The following ABCC1 variants were observed in gnomAD, a reference collection of about 807,000 sequenced individuals.
ABCC1 encodes the protein multidrug resistance-associated protein 1.
A neutral mutation model predicts 172.9 loss-of-function variants in ABCC1; 83 were observed. That is an observed-to-expected ratio of 0.48 (90% CI 0.40 to 0.58). The LOEUF (loss-of-function observed/expected upper bound fraction) is 0.58. Among genes scored for constraint, ABCC1 ranks in the 20% least tolerant of loss-of-function variants. The pLI, the probability that ABCC1 is intolerant of heterozygous loss-of-function variation, is 0.00. For missense variants in ABCC1, 1,817 were observed against 2,002.7 expected (o/e 0.91, Z 1.77); for synonymous variants, 937 against 825.2 (o/e 1.14, Z -2.32).
chr16:16,026,759 A>C (rs901264984), intron 5 of ABCC1, among the ~76,000 whole-genome samples: 1 of 151,956 alleles, frequency 6.6e-6, no homozygotes, highest in Admixed American at 6.6e-5. Context: ...CTATCAAAAA[A>C]TCCAAAAATT....
At chr16:16,073,542 T>G (rs550915775) in intron 14 of ABCC1, among the ~76,000 whole-genome samples, 1 of 152,300 alleles carries the variant, frequency 6.6e-6, no homozygotes, top group East Asian at 1.9e-4. Flanking sequence ...GCTGGAGGAT[T>G]GCTTGAGGCC....
chr16:16,121,912 C>T, intron 23 of ABCC1, 63 bp from the exon 24 acceptor site: 1 of 1,575,172 alleles, frequency 6.3e-7, no homozygotes, highest in South Asian at 1.1e-5. Context: ...CAGCACAGCC[C>T]TGCCCTGGGA....
At position 16,086,002 on chromosome 16, in the gene ABCC1, C is replaced by T. The variant is rs560516650; in HGVS notation, c.2293-822C>T. Among the ~76,000 whole-genome samples, 16 of 152,256 alleles carry T rather than the reference C, an allele frequency of 1.1e-4. No individual in the cohort carries two copies. In the East Asian group the frequency reaches 1.2e-3, roughly 11 times the overall value. ...GGGCTGGATTTCAGCATCCCCAGGC[C>T]GGAGCCTTGCTTCACCTATATGTGG... On this transcript the variant is annotated intron_variant, in intron 17 of 30. Coordinates refer to ENST00000399410, the MANE Select transcript of ABCC1 (RefSeq NM_004996.4).
intron 7 of ABCC1, among the ~76,000 whole-genome samples, chr16:16,041,084 C>T (rs1030488219): frequency 6.6e-6 from 1 of 151,096 alleles, no homozygotes; most frequent in Non-Finnish European, 1.5e-5. Flanking sequence ...CGTGCCACCA[C>T]ACCTGGCTAA....
intron 1 of ABCC1, among the ~76,000 whole-genome samples, chr16:15,972,787 CTTTTT>C (rs35086205): frequency 2.2e-5 from 2 of 89,336 alleles, no homozygotes; most frequent in Non-Finnish European, 4.1e-5. Flanking sequence ...TATTTTTTAA[CTTTTT>C]TTTTTTTTTT....
Position 16,117,206 on chromosome 16 carries a change from G to A in ABCC1, c.3390+2130G>A, listed in dbSNP as rs530148532. ...AGAGGTTTAATTGACTCACAGTTCCGCATGGCTGAGGAGGCCATGGCAGAA... is the reference window on the plus strand; with the variant it reads ...AGAGGTTTAATTGACTCACAGTTCCACATGGCTGAGGAGGCCATGGCAGAA... On this transcript the variant is annotated intron_variant, in intron 23 of 30. Coordinates refer to ENST00000399410, the MANE Select transcript of ABCC1 (RefSeq NM_004996.4). 3.9e-5 allele frequency among the ~76,000 whole-genome samples: 6 copies of A among 152,256 alleles called. No individual in the cohort carries two copies. In the South Asian group the frequency reaches 6.2e-4, roughly 16 times the overall value.
At chr16:16,093,962 G>C (rs1016418148) in intron 19 of ABCC1, among the ~76,000 whole-genome samples, 7 of 111,222 alleles carry the variant, frequency 6.3e-5, no homozygotes, top group Middle Eastern at 5.5e-3. Context: ...CTTTTTTACT[G>C]TTTGTCTCCC....
rs1037769865 is a variant in ABCC1, at chr16:16,079,300, C to G, written c.1989-52C>G. 5 of 1,600,188 alleles carry G rather than the reference C, an allele frequency of 3.1e-6. No homozygotes were observed. In the African/African-American group the frequency reaches 6.7e-5, roughly 21 times the overall value. On this transcript the variant is annotated intron_variant, in intron 15 of 30. Transcript: ENST00000399410. ...GAGGCTCGGTGGCCATGGGCATTAGCCCGGCAGGCCTCATTCAGCGTGGCT... is the reference window on the plus strand; with the variant it reads ...GAGGCTCGGTGGCCATGGGCATTAGGCCGGCAGGCCTCATTCAGCGTGGCT...
rs377598427 is a variant in ABCC1 at position 16,076,423 on chromosome 16, C to T, written c.1988+22C>T. On this transcript the variant is annotated intron_variant, in intron 15 of 30. Transcript: ENST00000399410. ...ATGGGTAAGCCGGGACGTGGACACA[C>T]GTGATGGTGTGGAGAGAGCCACAGG... is the stretch of plus-strand genomic sequence containing the variant. 4.4e-5 allele frequency: 70 copies of T among 1,590,134 alleles called. No homozygotes were observed. In the Middle Eastern group the frequency reaches 8.4e-4, roughly 19 times the overall value.
chr16:16,127,289 C>G (rs770991567), intron 26 of ABCC1, among the ~76,000 whole-genome samples: 3 of 152,146 alleles, frequency 2.0e-5, no homozygotes, highest in Non-Finnish European at 2.9e-5. Context: ...CGATCTCATT[C>G]GCTGCCTCCC....
At chr16:16,104,434 A>G (rs1027902217) in intron 20 of ABCC1, among the ~76,000 whole-genome samples, 1 of 152,206 alleles carries the variant, frequency 6.6e-6, no homozygotes, top group African/African-American at 2.4e-5. Flanking sequence ...TTAGCTAGAT[A>G]TAGAGTGTTG....
intron 23 of ABCC1, among the ~76,000 whole-genome samples, chr16:16,115,995 C>T (rs555148346): frequency 1.3e-3 from 195 of 151,952 alleles, no homozygotes; most frequent in African/African-American, 4.3e-3. Context: ...CTCCACCTCT[C>T]GGGTTCACAC....
Position 16,035,003 on chromosome 16 carries a change from A to G in ABCC1, c.678-1469A>G, listed in dbSNP as rs45542441. On this transcript the variant is annotated intron_variant, in intron 6 of 30. Transcript: ENST00000399410. ...GATACTGCAAACGTGGCAACGTGTT[A>G]ACAATGGTGAGTTGAGTGAATTCTT... Among the ~76,000 whole-genome samples the G allele has an allele frequency of 5.8e-3, 887 of 152,360 alleles. 23 individuals are homozygous for G. The highest frequency in any genetic ancestry group is 0.042 in the Admixed American group (647 of 15,300).
chr16:16,051,196 G>T (rs544467239), intron 10 of ABCC1, among the ~76,000 whole-genome samples: 1 of 151,914 alleles, frequency 6.6e-6, no homozygotes, highest in Non-Finnish European at 1.5e-5. Flanking sequence ...AAGGGACAGA[G>T]TCTTGCTCTG....
chr16:16,107,692 AAC>A (rs2052193998), intron 21 of ABCC1, among the ~76,000 whole-genome samples: 1 of 152,140 alleles, frequency 6.6e-6, no homozygotes, highest in South Asian at 2.1e-4. Context: ...CTCTCTTTGT[AAC>A]AAGGAGACCG....
intron 26 of ABCC1, among the ~76,000 whole-genome samples, chr16:16,128,278 A>G (rs1396184810): frequency 6.6e-6 from 1 of 151,956 alleles, no homozygotes; most frequent in South Asian, 2.1e-4. Flanking sequence ...CCTGGGTTCA[A>G]GCGATTCCCA....
chr16:16,103,860 T>C (rs1404361702), intron 20 of ABCC1, among the ~76,000 whole-genome samples: 1 of 152,168 alleles, frequency 6.6e-6, no homozygotes, highest in African/African-American at 2.4e-5. Flanking sequence ...ACTTCAAGAA[T>C]GAAGCCGCAG....
At chr16:16,122,335 A>G (rs1463637034) in intron 24 of ABCC1, among the ~76,000 whole-genome samples, 161 bp downstream of exon 24, 2 of 152,170 alleles carry the variant, frequency 1.3e-5, no homozygotes, top group East Asian at 3.9e-4. Context: ...CAGATGAATC[A>G]TTAAGAGCAG....
intron 23 of ABCC1, among the ~76,000 whole-genome samples, chr16:16,118,458 C>G (rs960352391): frequency 8.2e-6 from 1 of 122,542 alleles, no homozygotes; most frequent in African/African-American, 3.1e-5. Flanking sequence ...CTGCATTTAC[C>G]AAATATGTTA....
Sources: gnomAD v4.1 joint callset for allele counts (sites outside exome capture counted in the v4.1 genomes callset) on GRCh38, gnomAD v4.1.1 for gene constraint, MANE v1.5 for transcripts, NCBI Gene and HGNC (gene_info 2026-07-23, HGNC 2026-07-21) for gene names.